The following SRGAP3 variants were observed in gnomAD, a reference collection of about 807,000 sequenced individuals.
SRGAP3 encodes SLIT-ROBO Rho GTPase activating protein 3.
In SRGAP3, 39 loss-of-function variants were observed where a neutral mutation model predicts 121.1. The observed-to-expected ratio is 0.32, with a 90% CI of 0.25 to 0.42. The LOEUF is 0.42. Among genes scored for constraint, SRGAP3 ranks in the 10% least tolerant of loss-of-function variants. The pLI is 1.00. For missense variants in SRGAP3, 1,213 were observed against 1,470.6 expected (o/e 0.82, Z 2.86); for synonymous variants, 601 against 570.0 (o/e 1.05, Z -0.77).
intron 5 of SRGAP3, among the ~76,000 whole-genome samples, chr3:9,063,966 T>C (rs2125206718): frequency 6.6e-6 from 1 of 152,296 alleles, no homozygotes; most frequent in South Asian, 2.1e-4. Flanking sequence ...GTCCCTCTTG[T>C]TGAGACACAT....
chr3:9,302,964 C>CTTCA (rs1553570587), intron 3 of SRGAP3, among the ~76,000 whole-genome samples: 2 of 151,772 alleles, frequency 1.3e-5, no homozygotes, highest in African/African-American at 2.4e-5. Flanking sequence ...TTTGTCACCA[C>CTTCA]TTTTGAAATA....
intron 1 of SRGAP3, among the ~76,000 whole-genome samples, chr3:9,151,584 GAGA>G (rs936338993): frequency 2.0e-5 from 3 of 152,236 alleles, no homozygotes; most frequent in African/African-American, 7.2e-5. Flanking sequence ...GAACTGGTCA[GAGA>G]AGAAGAGACA....
chr3:9,301,572 G>A (rs1955054991), intron 3 of SRGAP3, among the ~76,000 whole-genome samples: 1 of 152,208 alleles, frequency 6.6e-6, no homozygotes, highest in Non-Finnish European at 1.5e-5. Context: ...GTAAGGGGTG[G>A]GTCCTGTAGA....
intron 1 of SRGAP3, among the ~76,000 whole-genome samples, chr3:9,135,896 T>C (rs555376602): frequency 6.6e-6 from 1 of 152,222 alleles, no homozygotes; most frequent in Non-Finnish European, 1.5e-5. Flanking sequence ...AAATAGGGAA[T>C]AATACCTTCC....
chr3:9,081,778 G>A (rs1362256951), intron 3 of SRGAP3, among the ~76,000 whole-genome samples: 1 of 152,174 alleles, frequency 6.6e-6, no homozygotes, highest in East Asian at 1.9e-4. Context: ...AGCTTGAAGA[G>A]TCTAGAATTC....
intron 1 of SRGAP3, among the ~76,000 whole-genome samples, chr3:9,344,506 C>T (rs539675978): frequency 6.5e-4 from 99 of 152,040 alleles, no homozygotes; most frequent in Middle Eastern, 6.9e-3. Flanking sequence ...ACGGCAGGCA[C>T]CTATAATCCC....
intron 2 of SRGAP3, among the ~76,000 whole-genome samples, chr3:9,122,143 G>A (rs909089746): frequency 4.4e-4 from 67 of 152,286 alleles, no homozygotes; most frequent in African/African-American, 1.4e-3. Flanking sequence ...GTAAGTGCTC[G>A]GTTCGATACA....
chr3:9,175,249 C>T (rs1951136074), intron 1 of SRGAP3, among the ~76,000 whole-genome samples: 1 of 152,196 alleles, frequency 6.6e-6, no homozygotes, highest in Non-Finnish European at 1.5e-5. Flanking sequence ...AGGCTGGTTT[C>T]TATCTCTAAC....
intron 12 of SRGAP3, among the ~76,000 whole-genome samples, chr3:9,030,267 G>C (rs1944415722): frequency 6.6e-6 from 1 of 152,178 alleles, no homozygotes; most frequent in African/African-American, 2.4e-5. Flanking sequence ...CCCTTAGGAG[G>C]TGATGCACTT....
chr3:9,210,227 TG>T (rs1348095734), intron 1 of SRGAP3, among the ~76,000 whole-genome samples: 8 of 152,150 alleles, frequency 5.3e-5, no homozygotes, highest in Non-Finnish European at 1.5e-5. Context: ...TGGACTATGG[TG>T]TTAGCTGCAC....
intron 2 of SRGAP3, among the ~76,000 whole-genome samples, chr3:9,119,796 G>A (rs561050014): frequency 6.6e-6 from 1 of 152,234 alleles, no homozygotes; most frequent in South Asian, 2.1e-4. Context: ...CATGGAGAGG[G>A]AGACAGCCCA....
At chr3:9,362,353 G>A (rs963629948) in intron 1 of SRGAP3, among the ~76,000 whole-genome samples, 3 of 150,650 alleles carry the variant, frequency 2.0e-5, no homozygotes, top group African/African-American at 7.3e-5. Context: ...TAGTAGAGAT[G>A]GAGTTTCACC....
intron 20 of SRGAP3, among the ~76,000 whole-genome samples, chr3:8,991,938 A>G (rs1942079896): frequency 6.6e-6 from 1 of 152,188 alleles, no homozygotes; most frequent in African/African-American, 2.4e-5. Flanking sequence ...GGGAGAGGAA[A>G]AGAGAGGCAG....
chr3:9,289,585 TG>T (rs201900737), intron 3 of SRGAP3, among the ~76,000 whole-genome samples: 14 of 152,128 alleles, frequency 9.2e-5, no homozygotes, highest in African/African-American at 3.1e-4. Context: ...AGATTTTTTT[TG>T]GGGGGGCCCT....
intron 1 of SRGAP3, among the ~76,000 whole-genome samples, chr3:9,354,505 C>T (rs1215254269): frequency 4.0e-5 from 6 of 151,894 alleles, no homozygotes; most frequent in African/African-American, 1.2e-4. Flanking sequence ...CGGTGAAACC[C>T]GGTCTCTACT....
At chr3:9,216,230 A>G (rs141670628) in intron 1 of SRGAP3, among the ~76,000 whole-genome samples, 116 of 152,312 alleles carry the variant, frequency 7.6e-4, no homozygotes, top group South Asian at 5.8e-3. Context: ...AGACCCTTCT[A>G]GAACACTCAG....
chr3:9,226,843 A>T (rs1953003386), intron 1 of SRGAP3, among the ~76,000 whole-genome samples: 1 of 152,188 alleles, frequency 6.6e-6, no homozygotes, highest in Admixed American at 6.5e-5. Flanking sequence ...GTTGAAGCTG[A>T]TGGCTCTTCA....
chr3:8,994,587 C>T, intron 18 of SRGAP3, 64 bp from the exon 19 acceptor site: 1 of 1,590,706 alleles, frequency 6.3e-7, no homozygotes, highest in Non-Finnish European at 8.5e-7. Context: ...AGGAGCCTCA[C>T]TCAGATGGCC....
At chr3:9,307,972 T>C (rs557268593) in intron 3 of SRGAP3, among the ~76,000 whole-genome samples, 1 of 152,350 alleles carries the variant, frequency 6.6e-6, no homozygotes, top group African/African-American at 2.4e-5. Context: ...CTGGCCAATA[T>C]GGCGAAACCC....
Sources: gnomAD v4.1 joint callset for allele counts (sites outside exome capture counted in the v4.1 genomes callset) on GRCh38, gnomAD v4.1.1 for gene constraint, MANE v1.5 for transcripts, NCBI Gene and HGNC (gene_info 2026-07-23, HGNC 2026-07-21) for gene names.